KIF5C: variants seen among roughly 807,000 people sequenced by gnomAD.
KIF5C encodes kinesin heavy chain isoform 5C.
KIF5C carries 18 observed loss-of-function variants against 125.2 expected under a neutral mutation model. That is an observed-to-expected ratio of 0.14 (90% CI 0.10 to 0.21). The LOEUF is 0.21. Ranked by LOEUF, KIF5C falls within the 10% of genes least tolerant of loss-of-function variation. The probability of loss-of-function intolerance (pLI) is 1.00; values close to 1 mark genes in which losing one functional copy is unlikely to be tolerated. For missense variants in KIF5C, 780 were observed against 1,183.8 expected (o/e 0.66, Z 5.01); for synonymous variants, 405 against 434.0 (o/e 0.93, Z 0.83).
At position 148,988,457 on chromosome 2, in the gene KIF5C, C is replaced by T. The variant is rs894034723; in HGVS notation, c.1717-2553C>T. 2.6e-5 allele frequency among the ~76,000 whole-genome samples: 4 copies of T among 152,174 alleles called. 1 individual carries two copies. The highest frequency in any genetic ancestry group is 6.3e-3 in the Middle Eastern group (2 of 316). On this transcript the variant is annotated intron_variant, in intron 15 of 25. Coordinates refer to ENST00000435030, the MANE Select transcript of KIF5C (RefSeq NM_004522.3). ...TTCCTCAATTTACATGGGATCTAGG[C>T]ATAAAAGACAAAGTGTCCTACTTTG... is the stretch of plus-strand genomic sequence containing the variant.
At chr2:148,922,027 G>T in intron 1 of KIF5C, 110 bp from the exon 2 acceptor site, 2 of 633,314 alleles carry the variant, frequency 3.2e-6, no homozygotes, top group Non-Finnish European at 2.7e-6. Context: ...TAAAGAACAG[G>T]GTTGGTGACT....
At chr2:148,956,049 G>T (rs1402651052) in intron 10 of KIF5C, among the ~76,000 whole-genome samples, 1 of 152,234 alleles carries the variant, frequency 6.6e-6, no homozygotes, top group African/African-American at 2.4e-5. Context: ...GGAAATATGA[G>T]TGTAGGAAAC....
chr2:149,006,725 G>A (rs1055261112), intron 22 of KIF5C, among the ~76,000 whole-genome samples: 2 of 152,216 alleles, frequency 1.3e-5, no homozygotes, highest in Non-Finnish European at 2.9e-5. Context: ...ATGGCTAGGC[G>A]ATTAGGTAGT....
At chr2:148,914,212 C>T (rs1210555869) in intron 1 of KIF5C, among the ~76,000 whole-genome samples, 1 of 152,206 alleles carries the variant, frequency 6.6e-6, no homozygotes, top group Non-Finnish European at 1.5e-5. Flanking sequence ...TTTCCTCCTA[C>T]CCCCTGTAGG....
chr2:148,927,253 C>T lies in KIF5C; in HGVS notation c.218-2028C>T, dbSNP rs148959967. On this transcript the variant is annotated intron_variant, in intron 2 of 25. Transcript: ENST00000435030. ...AGACCCGGGAGGCCTCGGGTGTGGC[C>T]TAATTCAGGAGGAAGTTGAGCTCTG... Among the ~76,000 whole-genome samples the T allele has an allele frequency of 7.0e-3, 1,071 of 152,220 alleles. 6 individuals are homozygous for T. Among genetic ancestry groups the T allele is most frequent in the African/African-American group, 0.024 (1,002 of 41,528 alleles).
chr2:148,988,645 A>G (rs917037943), intron 15 of KIF5C, among the ~76,000 whole-genome samples: 1 of 152,200 alleles, frequency 6.6e-6, no homozygotes, highest in Admixed American at 6.5e-5. Context: ...TGTAAGATAC[A>G]CCTGGTCAGG....
chr2:148,881,974 T>C (rs79960118), intron 1 of KIF5C, among the ~76,000 whole-genome samples: 3,455 of 152,232 alleles, frequency 0.023, 134 homozygotes, highest in African/African-American at 0.079. Context: ...CTTACTTTCT[T>C]CCAGGTTTTT....
intron 3 of KIF5C, among the ~76,000 whole-genome samples, chr2:148,930,853 C>T (rs151254629): frequency 5.8e-4 from 88 of 152,350 alleles, no homozygotes; most frequent in African/African-American, 2.0e-3. Flanking sequence ...TTCTCCTCCT[C>T]TCACACTCTA....
At chr2:148,970,140 C>T (rs1680859846) in intron 11 of KIF5C, among the ~76,000 whole-genome samples, 1 of 152,086 alleles carries the variant, frequency 6.6e-6, no homozygotes, top group African/African-American at 2.4e-5. Context: ...TCAAGAGAAA[C>T]CACAAAGTCT....
intron 1 of KIF5C, among the ~76,000 whole-genome samples, chr2:148,881,132 C>T (rs954703481): frequency 1.3e-5 from 2 of 152,072 alleles, no homozygotes; most frequent in Admixed American, 1.3e-4. Context: ...CCTATGTCTC[C>T]TGTTCCCTTG....
chr2:148,918,645 G>C (rs1328448667), intron 1 of KIF5C, among the ~76,000 whole-genome samples: 1 of 152,166 alleles, frequency 6.6e-6, no homozygotes, highest in South Asian at 2.1e-4. Context: ...TGTGAACTGG[G>C]GAATAAGCAT....
rs143034252 is a variant in KIF5C, at chr2:148,971,438, A to G, written c.1118-1898A>G. On this transcript the variant is annotated intron_variant, in intron 11 of 25. Coordinates refer to ENST00000435030, the MANE Select transcript of KIF5C (RefSeq NM_004522.3). Reference sequence around the variant, plus strand: ...TAGAGAATATAGATCCTTTAATTGGATGAAATCCAGTCTGCACACTAAGGT... The same window carrying G: ...TAGAGAATATAGATCCTTTAATTGGGTGAAATCCAGTCTGCACACTAAGGT... Among the ~76,000 whole-genome samples the G allele has an allele frequency of 5.3e-5, 8 of 152,300 alleles. No individual in the cohort carries two copies. In the East Asian group the frequency reaches 9.6e-4, roughly 18 times the overall value.
intron 1 of KIF5C, among the ~76,000 whole-genome samples, chr2:148,910,450 G>C (rs1342903578): frequency 6.6e-6 from 1 of 152,162 alleles, no homozygotes; most frequent in Non-Finnish European, 1.5e-5. Context: ...AAAACATAGG[G>C]TCTAGCATAC....
At chr2:148,946,507 T>C (rs549685123) in intron 7 of KIF5C, among the ~76,000 whole-genome samples, 2 of 152,318 alleles carry the variant, frequency 1.3e-5, no homozygotes, top group Non-Finnish European at 2.9e-5. Flanking sequence ...ATGACTAAGA[T>C]AGACTACATC....
intron 1 of KIF5C, among the ~76,000 whole-genome samples, chr2:148,881,532 C>T (rs576109337): frequency 1.4e-4 from 21 of 152,014 alleles, no homozygotes; most frequent in Non-Finnish European, 2.8e-4. Context: ...CCTGAAATCA[C>T]GACTCCATAA....
intron 14 of KIF5C, among the ~76,000 whole-genome samples, chr2:148,982,982 T>C (rs1681279272): frequency 6.6e-6 from 1 of 152,174 alleles, no homozygotes; most frequent in Non-Finnish European, 1.5e-5. Flanking sequence ...AAGAGATGGG[T>C]TTATTAAAGT....
chr2:148,922,955 C>G (rs1681848870), intron 2 of KIF5C, among the ~76,000 whole-genome samples: 1 of 152,226 alleles, frequency 6.6e-6, no homozygotes, highest in Non-Finnish European at 1.5e-5. Flanking sequence ...GCACATTGCT[C>G]TACCTTGTCC....
At chr2:149,020,834 A>G (rs1437808148) in intron 25 of KIF5C, among the ~76,000 whole-genome samples, 4 of 152,212 alleles carry the variant, frequency 2.6e-5, no homozygotes, top group African/African-American at 7.2e-5. Context: ...AACTATGACC[A>G]TGCTTTTAGG....
intron 25 of KIF5C, among the ~76,000 whole-genome samples, chr2:149,021,873 C>T (rs893556399): frequency 1.3e-5 from 2 of 152,036 alleles, no homozygotes; most frequent in African/African-American, 4.8e-5. Flanking sequence ...ATGAGCTCTG[C>T]ACAAAACCTA....
Sources: allele counts gnomAD v4.1 joint callset (sites outside exome capture counted in the v4.1 genomes callset), GRCh38; gene constraint gnomAD v4.1.1; transcripts MANE v1.5; gene names NCBI Gene and HGNC (gene_info 2026-07-23, HGNC 2026-07-21).